Variants in SNX29 observed in about 807,000 individuals in gnomAD.
The protein encoded by SNX29 is sorting nexin-29.
SNX29 carries 78 observed loss-of-function variants against 102.1 expected under a neutral mutation model. That is an observed-to-expected ratio of 0.76 (90% confidence interval 0.64 to 0.92). The LOEUF is 0.92. Ranked by LOEUF, SNX29 falls within the 40% of genes least tolerant of loss-of-function variation. SNX29 has a pLI of 0.00. For synonymous variants in SNX29, 580 were observed against 414.5 expected, an observed-to-expected ratio of 1.40 and a Z score of -4.85; for missense variants, 1,280 against 1,061.7, an observed-to-expected ratio of 1.21 and a Z score of -2.86.
Position 12,126,779 on chromosome 16 carries a change from A to G in SNX29, c.1466+83A>G, listed in dbSNP as rs1026332595. 2.6e-6 allele frequency: 4 copies of G among 1,513,704 alleles called. No individual in the cohort carries two copies. The African/African-American group carries it at 5.5e-5, about 21-fold the overall frequency. The allele number at this position is 1,513,704 out of a possible 1,614,324, so 93.8% of individuals were successfully genotyped here. A position where few individuals can be genotyped will look rare whatever the true frequency, so the allele number is the denominator to read the frequency against. On this transcript the variant is annotated intron_variant, in intron 12 of 20. Transcript: ENST00000566228. ...GAAGACAGAATATAACAGATGAGGG[A>G]CATTTTGCTTTCTTGGCAAAAATTG...
chr16:12,424,931 AC>A (rs1231096002), intron 18 of SNX29, among the ~76,000 whole-genome samples: 2 of 152,236 alleles, frequency 1.3e-5, no homozygotes, highest in Non-Finnish European at 2.9e-5. Flanking sequence ...GATAACCCTA[AC>A]ATGCCCGTCC....
chr16:12,011,116 T>G (rs954999230), intron 3 of SNX29, among the ~76,000 whole-genome samples: 11 of 151,950 alleles, frequency 7.2e-5, no homozygotes, highest in African/African-American at 2.7e-4. Context: ...TATTTCCACT[T>G]TGAGGCTCTG....
At chr16:12,166,073 A>G (rs1311621234) in intron 13 of SNX29, among the ~76,000 whole-genome samples, 1 of 152,262 alleles carries the variant, frequency 6.6e-6, no homozygotes, top group African/African-American at 2.4e-5. Flanking sequence ...TCATGGTAGT[A>G]GTATTAACAG....
At chr16:12,199,418 A>G (rs545035607) in intron 13 of SNX29, among the ~76,000 whole-genome samples, 183 bp from the exon 14 acceptor site, 1 of 152,238 alleles carries the variant, frequency 6.6e-6, no homozygotes, top group African/African-American at 2.4e-5. Flanking sequence ...CACTCTGCAG[A>G]CATGCCCAAG....
chr16:12,561,639 G>T (rs1371637200), intron 20 of SNX29, among the ~76,000 whole-genome samples: 2 of 151,988 alleles, frequency 1.3e-5, no homozygotes, highest in Non-Finnish European at 2.9e-5. Context: ...TTATTAAAAA[G>T]AACAGCCACT....
At chr16:12,550,461 G>A (rs939250164) in intron 20 of SNX29, among the ~76,000 whole-genome samples, 5 of 151,852 alleles carry the variant, frequency 3.3e-5, no homozygotes, top group Admixed American at 1.3e-4. Context: ...CTTAAACCCG[G>A]GAGGTGGAGG....
intron 15 of SNX29, among the ~76,000 whole-genome samples, chr16:12,290,482 C>A (rs374977138): frequency 6.6e-6 from 1 of 152,216 alleles, no homozygotes; most frequent in Admixed American, 6.5e-5. Flanking sequence ...CTTTGTGTCA[C>A]CTCTCCTAAT....
chr16:12,266,239 C>T (rs562189106), intron 14 of SNX29, among the ~76,000 whole-genome samples: 9 of 152,072 alleles, frequency 5.9e-5, no homozygotes, highest in South Asian at 4.2e-4. Flanking sequence ...GTTGTTTTTC[C>T]GTTTATACTC....
rs2076543373 is a variant in SNX29 at position 12,187,643 on chromosome 16, T to C, written c.1596-11958T>C. 3.3e-5 allele frequency among the ~76,000 whole-genome samples: 5 copies of C among 152,260 alleles called. No homozygotes were observed. The South Asian group carries it at 1.0e-3, about 32-fold the overall frequency. On this transcript the variant is annotated intron_variant, in intron 13 of 20. Coordinates refer to ENST00000566228, the MANE Select transcript of SNX29 (RefSeq NM_032167.5). ...GGGCCTGTCGGGAAACAATTTTCTA[T>C]TTCATAGTAGTTTCTCTTGCCTGTT...
chr16:12,048,566 A>G lies in SNX29; in HGVS notation c.694A>G (p.Lys232Glu). ...CTCCTCTGCCGTCTCCATCCTCATC[A>G]AACCTGAACAGGAGACCGACCCCTT... Reference protein sequence around the residue: ...TASSAVSILIKPEQETDPLPV... With the variant: ...TASSAVSILIEPEQETDPLPV... The change falls in exon 7 of 21, where the codon AAA becomes GAA. Residue 232 changes from lysine (K) to glutamate (E), a missense_variant. Physicochemically the swap from Lys to Glu is moderately conservative, Grantham distance 56. Coordinates refer to ENST00000566228, the MANE Select transcript of SNX29 (RefSeq NM_032167.5). The G allele has an allele frequency of 6.2e-7, 1 of 1,613,884 alleles. No individual in the cohort carries two copies. Among genetic ancestry groups the G allele is most frequent in the Non-Finnish European group, 8.5e-7 (1 of 1,179,852 alleles).
intron 15 of SNX29, among the ~76,000 whole-genome samples, chr16:12,310,130 A>G (rs991363662): frequency 9.9e-5 from 15 of 151,794 alleles, no homozygotes; most frequent in Non-Finnish European, 1.8e-4. Context: ...GCACACATGC[A>G]TGCACATACA....
intron 16 of SNX29, among the ~76,000 whole-genome samples, chr16:12,359,193 G>T (rs1040668866): frequency 1.1e-4 from 17 of 152,172 alleles, no homozygotes; most frequent in Non-Finnish European, 1.3e-4. Context: ...TGAATCAGAG[G>T]ACACCCAGCT....
intron 13 of SNX29, among the ~76,000 whole-genome samples, chr16:12,174,863 G>T (rs1248337396): frequency 6.6e-6 from 1 of 151,932 alleles, no homozygotes; most frequent in Non-Finnish European, 1.5e-5. Context: ...TTTATGTTTG[G>T]CATTTTTGCT....
At chr16:12,313,624 G>T (rs527987689) in intron 15 of SNX29, among the ~76,000 whole-genome samples, 29 of 152,308 alleles carry the variant, frequency 1.9e-4, no homozygotes, top group African/African-American at 5.8e-4. Context: ...GGTTCTTCTT[G>T]TGAGCGTTTG....
chr16:12,143,043 G>A (rs572979703), intron 13 of SNX29, among the ~76,000 whole-genome samples: 126 of 151,722 alleles, frequency 8.3e-4, no homozygotes, highest in African/African-American at 3.0e-3. Context: ...TGTTGCCCAG[G>A]CTGGAGTCCA....
chr16:12,082,111 CTGTG>C (rs2151359388), intron 11 of SNX29, among the ~76,000 whole-genome samples: 1 of 152,260 alleles, frequency 6.6e-6, no homozygotes, highest in East Asian at 1.9e-4. Flanking sequence ...GATTCTGTCT[CTGTG>C]TGGGTGGCAC....
chr16:12,163,777 G>A (rs796863311), intron 13 of SNX29, among the ~76,000 whole-genome samples: 5 of 152,344 alleles, frequency 3.3e-5, no homozygotes, highest in African/African-American at 1.2e-4. Context: ...TGCGGTCTCT[G>A]TTGGAGAGAA....
chr16:12,259,493 C>G (rs917757686), intron 14 of SNX29, among the ~76,000 whole-genome samples: 6 of 152,200 alleles, frequency 3.9e-5, no homozygotes, highest in African/African-American at 1.4e-4. Context: ...CCGCAGCCCC[C>G]ACCTGGCTCC....
At chr16:12,535,737 C>T (rs1443410961) in intron 20 of SNX29, among the ~76,000 whole-genome samples, 1 of 152,112 alleles carries the variant, frequency 6.6e-6, no homozygotes, top group African/African-American at 2.4e-5. Context: ...CAGGCTTGGT[C>T]ACGCTCGTCT....
Sources: gnomAD v4.1 joint callset for allele counts (sites outside exome capture counted in the v4.1 genomes callset) on GRCh38, gnomAD v4.1.1 for gene constraint, MANE v1.5 for transcripts, NCBI Gene and HGNC (gene_info 2026-07-23, HGNC 2026-07-21) for gene names.